Variants in PPARGC1A observed in about 807,000 individuals in gnomAD.
PPARGC1A encodes PPARG coactivator 1 alpha, also known as peroxisome proliferator-activated receptor gamma coactivator 1-alpha.
A neutral mutation model predicts 88.7 loss-of-function variants in PPARGC1A; 25 were observed. The ratio of observed to expected loss-of-function variants is 0.28; its 90% CI spans 0.21 to 0.39. PPARGC1A has a LOEUF of 0.39. Among genes scored for constraint, PPARGC1A ranks in the 10% least tolerant of loss-of-function variants. PPARGC1A has a pLI of 1.00. For synonymous variants in PPARGC1A, 363 were observed against 355.6 expected (o/e 1.02, Z -0.24); for missense variants, 880 against 968.7 (o/e 0.91, Z 1.22).
At chr4:24,172,462 G>A in the PPARGC1A span, among the ~76,000 whole-genome samples, 2,470 of 152,342 alleles carry the variant, frequency 0.016, 64 homozygotes, top group African/African-American at 0.056. Context: ...AGTCTTGGTA[G>A]TGTCACCCTG....
At chr4:23,811,356 A>G (rs1720865081) in intron 10 of PPARGC1A, among the ~76,000 whole-genome samples, 1 of 152,182 alleles carries the variant, frequency 6.6e-6, no homozygotes, top group Non-Finnish European at 1.5e-5. Context: ...AGCCTTGGCT[A>G]GCTTAGATGC....
the PPARGC1A span, among the ~76,000 whole-genome samples, chr4:24,090,686 C>T: frequency 6.6e-6 from 1 of 152,146 alleles, no homozygotes; most frequent in African/African-American, 2.4e-5. Context: ...AAAGCTCTGG[C>T]ATCAGTCTTC....
upstream of PPARGC1A, among the ~76,000 whole-genome samples, chr4:23,902,694 G>A (rs145471992): frequency 2.0e-5 from 3 of 152,252 alleles, no homozygotes; most frequent in East Asian, 5.8e-4. Flanking sequence ...GTGTTCTCAA[G>A]AAGGCTGTTT....
At chr4:24,364,817 A>G in the PPARGC1A span, among the ~76,000 whole-genome samples, 1 of 152,194 alleles carries the variant, frequency 6.6e-6, no homozygotes, top group East Asian at 1.9e-4. Context: ...ACATGAAATG[A>G]ACAGAATAAT....
the PPARGC1A span, among the ~76,000 whole-genome samples, chr4:24,214,901 C>A: frequency 3.9e-5 from 6 of 152,118 alleles, no homozygotes; most frequent in African/African-American, 1.4e-4. Flanking sequence ...ACAGGAGAGT[C>A]AGGGTACTTT....
chr4:23,866,221 C>T (rs1323701969), intron 2 of PPARGC1A: 4 of 133,888 alleles, frequency 3.0e-5, no homozygotes, highest in Non-Finnish European at 6.3e-5. Context: ...CTTTCATTTG[C>T]TATGGTACAG....
the PPARGC1A span, among the ~76,000 whole-genome samples, chr4:24,085,022 G>A: frequency 6.6e-6 from 1 of 152,174 alleles, no homozygotes; most frequent in Non-Finnish European, 1.5e-5. Flanking sequence ...TCACTTGATG[G>A]ATGACAGTAT....
At chr4:23,926,238 CCAA>C in the PPARGC1A span, among the ~76,000 whole-genome samples, 1 of 152,126 alleles carries the variant, frequency 6.6e-6, no homozygotes, top group African/African-American at 2.4e-5. Context: ...GTACTCACCA[CCAA>C]CATCTTGCAG....
chr4:24,327,585 A>G, the PPARGC1A span, among the ~76,000 whole-genome samples: 1 of 151,948 alleles, frequency 6.6e-6, no homozygotes, highest in Non-Finnish European at 1.5e-5. Context: ...GCCATCACCA[A>G]TCATCCTATG....
At chr4:24,459,636 A>G in the PPARGC1A span, among the ~76,000 whole-genome samples, 2 of 152,126 alleles carry the variant, frequency 1.3e-5, no homozygotes, top group Admixed American at 6.5e-5. Context: ...CAAAAAATAC[A>G]AAAATTAGCC....
chr4:23,924,308 G>A, the PPARGC1A span, among the ~76,000 whole-genome samples: 6 of 152,144 alleles, frequency 3.9e-5, no homozygotes, highest in African/African-American at 9.7e-5. Context: ...TTGAAGGAAC[G>A]GAACAATTAG....
the PPARGC1A span, among the ~76,000 whole-genome samples, chr4:23,967,493 C>T: frequency 6.6e-6 from 1 of 152,104 alleles, no homozygotes; most frequent in African/African-American, 2.4e-5. Context: ...TGGGATTAGT[C>T]TGCCGACTCG....
the PPARGC1A span, among the ~76,000 whole-genome samples, chr4:24,470,194 C>A: frequency 6.6e-6 from 1 of 151,460 alleles, no homozygotes; most frequent in South Asian, 2.1e-4. This position sits in a 1 kb window ranked among gnomAD's most constrained non-coding sequence, Gnocchi z 5.8. Flanking sequence ...GGGCTTGTAC[C>A]GGGTGCGTGG....
At chr4:24,355,241 G>A in the PPARGC1A span, among the ~76,000 whole-genome samples, 3 of 152,166 alleles carry the variant, frequency 2.0e-5, no homozygotes, top group African/African-American at 7.2e-5. Flanking sequence ...TATGAGGCAT[G>A]GCCCAGCATC....
chr4:23,998,822 T>A, the PPARGC1A span, among the ~76,000 whole-genome samples: 1 of 152,224 alleles, frequency 6.6e-6, no homozygotes, highest in African/African-American at 2.4e-5. Context: ...TCATACTAAA[T>A]GCCATGGTAG....
At chr4:24,106,096 G>A in the PPARGC1A span, among the ~76,000 whole-genome samples, 18 of 151,956 alleles carry the variant, frequency 1.2e-4, no homozygotes, top group South Asian at 4.2e-4. Flanking sequence ...ACTTCCATTC[G>A]TTTCCCCGCC....
At chr4:23,868,762 T>G (rs1712618518) in intron 2 of PPARGC1A, among the ~76,000 whole-genome samples, 1 of 152,232 alleles carries the variant, frequency 6.6e-6, no homozygotes, top group Admixed American at 6.5e-5. Context: ...TGGTAAAGGC[T>G]TAATGTAAAC....
the PPARGC1A span, among the ~76,000 whole-genome samples, chr4:24,121,372 C>T: frequency 3.3e-5 from 5 of 152,194 alleles, no homozygotes; most frequent in Admixed American, 6.5e-5. Context: ...TCAGGGGTCA[C>T]GCTCACTAGG....
At chr4:24,439,521 T>C in the PPARGC1A span, among the ~76,000 whole-genome samples, 3 of 152,114 alleles carry the variant, frequency 2.0e-5, no homozygotes, top group African/African-American at 7.2e-5. Context: ...ATTCAAGGAG[T>C]ACCCACTGAC....
Sources: allele counts gnomAD v4.1 joint callset (sites outside exome capture counted in the v4.1 genomes callset), GRCh38; gene constraint gnomAD v4.1.1; non-coding constraint Gnocchi (gnomAD v3.1); transcripts MANE v1.5; gene names NCBI Gene and HGNC (gene_info 2026-07-23, HGNC 2026-07-21).